Variants in LAMA2 observed in about 807,000 individuals in gnomAD.
LAMA2 encodes the protein laminin subunit alpha 2.
LAMA2 carries 269 observed loss-of-function variants against 364.8 expected under a neutral mutation model. The ratio of observed to expected loss-of-function variants is 0.74; its 90% CI spans 0.67 to 0.82. The LOEUF is 0.82. Among genes scored for constraint, LAMA2 ranks in the 40% least tolerant of loss-of-function variants. The pLI is 0.00. For synonymous variants in LAMA2, 1,379 were observed against 1,370.6 expected, an observed-to-expected ratio of 1.01 and a Z score of -0.14; for missense variants, 3,807 against 3,873.2, an observed-to-expected ratio of 0.98 and a Z score of 0.45.
chr6:129,360,571 C>A (rs1167212389), intron 32 of LAMA2, among the ~76,000 whole-genome samples: 1 of 152,106 alleles, frequency 6.6e-6, no homozygotes, highest in African/African-American at 2.4e-5. Flanking sequence ...TTGCTTGGAG[C>A]GTACTATAAA....
chr6:129,405,532 T>C (rs1780205087), intron 40 of LAMA2, among the ~76,000 whole-genome samples: 1 of 152,174 alleles, frequency 6.6e-6, no homozygotes, highest in African/African-American at 2.4e-5. Flanking sequence ...CTGTTATCAT[T>C]ATTCCTTCTC....
intron 14 of LAMA2, among the ~76,000 whole-genome samples, chr6:129,254,585 A>C (rs1786499581): frequency 6.6e-6 from 1 of 152,232 alleles, no homozygotes. Context: ...AGACCTCTAA[A>C]GAAAGGCACA....
rs1211031170 is a variant in LAMA2 at position 129,507,642 on chromosome 6, G to C, written c.8857G>C (p.Val2953Leu). 2 of 1,614,064 alleles carry C rather than the reference G, an allele frequency of 1.2e-6. No individual in the cohort carries two copies. Among genetic ancestry groups the C allele is most frequent in the African/African-American group, 2.7e-5 (2 of 75,044 alleles). Residue 2953 changes from valine to leucine, a missense_variant and splice_region_variant, in exon 62 of 65, where the codon GTT (valine) becomes CTT (leucine). Around this residue, in one of 3 missense-constraint regions of LAMA2, gnomAD observed 3,333 missense variants for 3,345.7 expected, o/e 1.00. Coordinates refer to ENST00000421865, the MANE Select transcript of LAMA2 (RefSeq NM_000426.4). ...YFDGTGFAKA[V>L]GGFKVGLDLL... ...TGACGGAACCGGTTTTGCCAAAGCAGGTAAGGCTCTTTCATTTCCTTCCTG... is the reference window on the plus strand; with the variant it reads ...TGACGGAACCGGTTTTGCCAAAGCACGTAAGGCTCTTTCATTTCCTTCCTG...
intron 2 of LAMA2, among the ~76,000 whole-genome samples, chr6:129,055,903 C>A: frequency 6.6e-6 from 1 of 152,140 alleles, no homozygotes; most frequent in East Asian, 1.9e-4. Context: ...GGAACTTTGC[C>A]AACAATTCGT....
At chr6:129,485,783 T>C (rs186772687) in intron 55 of LAMA2, among the ~76,000 whole-genome samples, 1 of 152,268 alleles carries the variant, frequency 6.6e-6, no homozygotes, top group African/African-American at 2.4e-5. Flanking sequence ...CCACCATAGA[T>C]GACTCATGGA....
At chr6:129,433,444 A>G (rs913648256) in intron 41 of LAMA2, among the ~76,000 whole-genome samples, 10 of 152,310 alleles carry the variant, frequency 6.6e-5, no homozygotes, top group Admixed American at 6.5e-4. Context: ...AGAAATCTCA[A>G]GAAGCCAAAA....
chr6:128,897,864 A>G (rs1044114510), intron 1 of LAMA2, among the ~76,000 whole-genome samples: 1 of 152,184 alleles, frequency 6.6e-6, no homozygotes, highest in Admixed American at 6.5e-5. Context: ...TACTAGAGCT[A>G]TGACTGCATC....
intron 3 of LAMA2, 24 bp downstream of exon 3, chr6:129,059,920 T>C (rs1340570674): frequency 7.6e-7 from 1 of 1,314,320 alleles, no homozygotes; most frequent in Non-Finnish European, 1.1e-6. Context: ...TTTTTTGTCA[T>C]TTCCACTTTT....
chr6:129,305,323 G>T (rs1773795911), intron 22 of LAMA2, among the ~76,000 whole-genome samples: 1 of 137,188 alleles, frequency 7.3e-6, no homozygotes, highest in Admixed American at 7.5e-5. Flanking sequence ...TTTAATGTGT[G>T]CCTTTTTTTT....
At chr6:128,980,880 C>G (rs1782822603) in intron 1 of LAMA2, among the ~76,000 whole-genome samples, 1 of 152,072 alleles carries the variant, frequency 6.6e-6, no homozygotes, top group South Asian at 2.1e-4. Context: ...TGAAAATAAA[C>G]CTGAAACGCG....
At chr6:128,902,439 C>T (rs1777146416) in intron 1 of LAMA2, among the ~76,000 whole-genome samples, 1 of 152,124 alleles carries the variant, frequency 6.6e-6, no homozygotes, top group Non-Finnish European at 1.5e-5. Context: ...ACCTTTCTCA[C>T]ACTCTCAGCA....
Position 129,049,994 on chromosome 6 carries a change from T to A in LAMA2, c.189T>A (p.Pro63=), listed in dbSNP as rs1391191226. 3.1e-6 allele frequency: 5 copies of A among 1,614,040 alleles called. No individual in the cohort carries two copies. The highest frequency in any genetic ancestry group is 4.2e-6 in the Non-Finnish European group (5 of 1,179,898). Residue 63 remains proline (P), a synonymous_variant, in exon 2 of 65, where the codon CCT becomes CCA. Transcript: ENST00000421865. ...TTNATCGEKG[P]EMYCKLVEHV... is the part of the protein sequence containing the mutation. ...ATGCAACATGTGGAGAAAAAGGACC[T>A]GAAATGTACTGCAAATTGGTAGAAC...
At chr6:129,339,813 G>A (rs1712821371) in intron 29 of LAMA2, among the ~76,000 whole-genome samples, 2 of 152,100 alleles carry the variant, frequency 1.3e-5, no homozygotes, top group Non-Finnish European at 2.9e-5. Flanking sequence ...GACGATCCTG[G>A]CCAGCATGGT....
At chr6:129,459,657 G>A (rs1424288148) in intron 48 of LAMA2, among the ~76,000 whole-genome samples, 11 of 152,026 alleles carry the variant, frequency 7.2e-5, no homozygotes, top group Non-Finnish European at 1.2e-4. Flanking sequence ...TTATACAAGT[G>A]CTTTTAAAAA....
chr6:129,308,213 A>C (rs1050509509), intron 22 of LAMA2, among the ~76,000 whole-genome samples: 1 of 152,230 alleles, frequency 6.6e-6, no homozygotes, highest in Non-Finnish European at 1.5e-5. Context: ...TTTAGAAAGA[A>C]ATCAAAAACT....
At chr6:129,088,487 CA>C in intron 3 of LAMA2, among the ~76,000 whole-genome samples, 1 of 146,338 alleles carries the variant, frequency 6.8e-6, no homozygotes, top group South Asian at 2.2e-4. Flanking sequence ...AGGCGCCCCC[CA>C]CCTCCCTCCC....
At chr6:129,012,294 A>G (rs1342356037) in intron 1 of LAMA2, among the ~76,000 whole-genome samples, 1 of 152,066 alleles carries the variant, frequency 6.6e-6, no homozygotes, top group Non-Finnish European at 1.5e-5. Context: ...ACTCACTGTT[A>G]TTAATAGTTA....
intron 3 of LAMA2, among the ~76,000 whole-genome samples, chr6:129,065,985 T>C (rs191758768): frequency 3.5e-3 from 530 of 149,854 alleles, no homozygotes; most frequent in African/African-American, 0.012. Context: ...CCCAGCCACA[T>C]GGAACTATAA....
intron 56 of LAMA2, among the ~76,000 whole-genome samples, chr6:129,491,446 T>C (rs1319693602): frequency 6.6e-6 from 1 of 152,210 alleles, no homozygotes; most frequent in Admixed American, 6.5e-5. Flanking sequence ...AAAAGGTGCT[T>C]TAAGTGTTTG....
Sources: allele counts gnomAD v4.1 joint callset (sites outside exome capture counted in the v4.1 genomes callset), GRCh38; gene constraint gnomAD v4.1.1; regional missense constraint gnomAD v4.1.1; transcripts MANE v1.5; gene names NCBI Gene and HGNC (gene_info 2026-07-23, HGNC 2026-07-21).